Variants in ZNF423 observed in about 807,000 individuals in gnomAD.
ZNF423 encodes the protein Ebf-associated zinc finger protein.
A neutral mutation model predicts 95.8 loss-of-function variants in ZNF423; 12 were observed. The observed-to-expected ratio is 0.13, with a 90% CI of 0.08 to 0.20. The LOEUF is 0.20. ZNF423 is among the 10% of genes least tolerant of loss of function. The pLI is 1.00. For missense variants in ZNF423, 1,316 were observed against 1,737.1 expected, an observed-to-expected ratio of 0.76 and a Z score of 4.31; for synonymous variants, 749 against 711.9, an observed-to-expected ratio of 1.05 and a Z score of -0.83.
chr16:49,543,577 T>C (rs957321880), intron 5 of ZNF423, among the ~76,000 whole-genome samples: 10 of 152,146 alleles, frequency 6.6e-5, no homozygotes, highest in Non-Finnish European at 1.2e-4. Flanking sequence ...GGAAGAAATA[T>C]GCCCTGTCCT....
intron 1 of ZNF423, among the ~76,000 whole-genome samples, chr16:49,802,359 A>T (rs1025741422): frequency 6.6e-6 from 1 of 152,156 alleles, no homozygotes; most frequent in Non-Finnish European, 1.5e-5. Context: ...GGGTCTCCCT[A>T]AGCACTCAAG....
chr16:49,720,387 G>A (rs968299118), intron 3 of ZNF423, among the ~76,000 whole-genome samples: 1 of 152,172 alleles, frequency 6.6e-6, no homozygotes, highest in African/African-American at 2.4e-5. Flanking sequence ...CCTGCAGGCT[G>A]CACTAGTCCC....
chr16:49,580,539 A>G (rs965587555), intron 5 of ZNF423, among the ~76,000 whole-genome samples: 9 of 152,220 alleles, frequency 5.9e-5, no homozygotes, highest in African/African-American at 2.2e-4. Flanking sequence ...CCTTCCAGTT[A>G]GCTCAAAGCA....
chr16:49,756,280 T>C (rs2033725476), intron 2 of ZNF423, among the ~76,000 whole-genome samples: 1 of 152,222 alleles, frequency 6.6e-6, no homozygotes, highest in Admixed American at 6.5e-5. Context: ...TCTAAGTGTG[T>C]GGCCCACCAC....
At chr16:49,817,355 G>C (rs2034871969) in intron 1 of ZNF423, among the ~76,000 whole-genome samples, 2 of 152,234 alleles carry the variant, frequency 1.3e-5, no homozygotes. Flanking sequence ...TTCCCCAAAA[G>C]GCATTTGGTT....
intron 2 of ZNF423, among the ~76,000 whole-genome samples, chr16:49,755,224 G>A (rs987572211): frequency 2.6e-5 from 4 of 152,338 alleles, no homozygotes; most frequent in African/African-American, 9.6e-5. Context: ...TTCTGGGCAA[G>A]CAAATAACAA....
intron 2 of ZNF423, among the ~76,000 whole-genome samples, chr16:49,739,677 GTTTTTTTGTTTTTGTTTGGT>G (rs2033371362): frequency 2.2e-5 from 3 of 136,672 alleles, no homozygotes; most frequent in Non-Finnish European, 4.7e-5. Flanking sequence ...CAACACGTTT[GTTTTTTTGTTTTTGTTTGGT>G]TTTTTTTTTT....
intron 5 of ZNF423, among the ~76,000 whole-genome samples, chr16:49,565,802 A>G (rs1970168375): frequency 6.6e-6 from 1 of 152,084 alleles, no homozygotes; most frequent in Admixed American, 6.5e-5. Flanking sequence ...ACAATTTTAG[A>G]TGTCAATAGG....
intron 4 of ZNF423, among the ~76,000 whole-genome samples, chr16:49,629,860 T>C (rs1360281985): frequency 6.6e-6 from 1 of 152,204 alleles, no homozygotes; most frequent in East Asian, 1.9e-4. Context: ...GCGCAGGCCT[T>C]ACCTAGAGTC....
chr16:49,610,076 C>A (rs577819399), intron 5 of ZNF423, among the ~76,000 whole-genome samples: 35 of 152,164 alleles, frequency 2.3e-4, no homozygotes, highest in Non-Finnish European at 4.3e-4. Flanking sequence ...ATCCAGAGTT[C>A]TTCTACATCC....
Position 49,490,990 on chromosome 16 carries a change from T to C in ZNF423, c.*285A>G, listed in dbSNP as rs1013085279. On this transcript the variant is annotated 3_prime_UTR_variant, in exon 8 of 8. Transcript: ENST00000563137. The stretch of plus-strand genomic sequence containing the variant: ...ATGAAGGAACAAAGGACAATAGCCT[T>C]AAAAAGCAGGTTTCTCTAACTCTAG... 8.9e-6 allele frequency: 4 copies of C among 451,254 alleles called. No homozygotes were observed. Among genetic ancestry groups the C allele is most frequent in the African/African-American group, 1.9e-5 (1 of 52,128 alleles). 28.0% of individuals were successfully genotyped at this position (451,254 alleles called of 1,614,324 possible).
intron 5 of ZNF423, among the ~76,000 whole-genome samples, chr16:49,528,728 G>A (rs914740103): frequency 2.6e-5 from 4 of 151,758 alleles, no homozygotes; most frequent in East Asian, 1.9e-4. Context: ...TGTCCATTAC[G>A]TGTATCTCTG....
chr16:49,709,208 G>A (rs1471594431), intron 3 of ZNF423, among the ~76,000 whole-genome samples: 1 of 127,654 alleles, frequency 7.8e-6, no homozygotes, highest in Non-Finnish European at 1.6e-5. Context: ...GGAGCCCTGG[G>A]GGAAAGCCAA....
intron 3 of ZNF423, among the ~76,000 whole-genome samples, chr16:49,693,219 A>G (rs1291364459): frequency 2.0e-5 from 3 of 152,184 alleles, no homozygotes; most frequent in South Asian, 2.1e-4. Flanking sequence ...TCTATTAAGC[A>G]TCTTTATTCC....
intron 2 of ZNF423, among the ~76,000 whole-genome samples, chr16:49,776,181 C>A (rs1224384487): frequency 2.6e-5 from 4 of 152,338 alleles, no homozygotes; most frequent in Non-Finnish European, 5.9e-5. Flanking sequence ...GAGTTTCCCT[C>A]CTGGGAGGCC....
chr16:49,785,022 G>A (rs935141256), intron 2 of ZNF423, among the ~76,000 whole-genome samples: 8 of 151,756 alleles, frequency 5.3e-5, no homozygotes, highest in Non-Finnish European at 8.8e-5. Context: ...AGGGGTGATA[G>A]CTAAGGATAC....
chr16:49,635,534 C>A lies in ZNF423; in HGVS notation c.3516+126G>T. 1.6e-6 allele frequency: 2 copies of A among 1,262,752 alleles called. No individual in the cohort carries two copies. Among genetic ancestry groups the A allele is most frequent in the African/African-American group, 3.0e-5 (2 of 66,350 alleles). 78.2% of individuals were successfully genotyped at this position (1,262,752 alleles called of 1,614,324 possible). ...TCAAGGAGTCTACAGCACAGCAGTT[C>A]TGTTTTGCCACTGCGCGATAGCGCC... On this transcript the variant is annotated intron_variant, in intron 4 of 7. Transcript: ENST00000563137. The surrounding 1 kb of genome is among the most constrained non-coding windows in gnomAD (Gnocchi z 4.8).
chr16:49,519,819 T>C (rs556955386), intron 7 of ZNF423, among the ~76,000 whole-genome samples: 1 of 152,330 alleles, frequency 6.6e-6, no homozygotes, highest in East Asian at 1.9e-4. Context: ...CCTGAAAACC[T>C]TGCCATGATC....
chr16:49,647,547 C>A (rs1973225872), intron 3 of ZNF423, among the ~76,000 whole-genome samples: 1 of 152,050 alleles, frequency 6.6e-6, no homozygotes, highest in Non-Finnish European at 1.5e-5. Flanking sequence ...CTTAAATGTG[C>A]AGGAGGGAGG....
Sources: gnomAD v4.1 joint callset for allele counts (sites outside exome capture counted in the v4.1 genomes callset) on GRCh38, gnomAD v4.1.1 for gene constraint, Gnocchi (gnomAD v3.1) non-coding constraint, MANE v1.5 for transcripts, NCBI Gene and HGNC (gene_info 2026-07-23, HGNC 2026-07-21) for gene names.